CA10: variants seen among roughly 807,000 people sequenced by gnomAD.
CA10 encodes the protein carbonic anhydrase 10 (inactive).
A neutral mutation model predicts 44.2 loss-of-function variants in CA10; 14 were observed. The observed-to-expected ratio is 0.32, with a 90% CI of 0.21 to 0.50. The LOEUF is 0.50. Among genes scored for constraint, CA10 ranks in the 20% least tolerant of loss-of-function variants. The probability of loss-of-function intolerance (pLI) is 0.99; values close to 1 mark genes in which losing one functional copy is unlikely to be tolerated. For missense variants in CA10, 350 were observed against 409.7 expected, an observed-to-expected ratio of 0.85 and a Z score of 1.26; for synonymous variants, 159 against 141.6, an observed-to-expected ratio of 1.12 and a Z score of -0.87.
chr17:52,013,316 T>A (rs58235174), intron 2 of CA10, among the ~76,000 whole-genome samples: 4,841 of 151,774 alleles, frequency 0.032, 261 homozygotes, highest in African/African-American at 0.11. Context: ...AACATATTTA[T>A]AATAAAAATG....
intron 4 of CA10, among the ~76,000 whole-genome samples, chr17:51,693,975 T>G (rs2078818): frequency 0.34 from 52,115 of 151,666 alleles, 9,459 homozygotes; most frequent in Admixed American, 0.42. Flanking sequence ...GAGACTAAGG[T>G]GAGTGGATCA....
intron 3 of CA10, among the ~76,000 whole-genome samples, chr17:51,756,247 AC>A (rs1174563822): frequency 1.3e-5 from 2 of 151,766 alleles, no homozygotes; most frequent in Non-Finnish European, 2.9e-5. Flanking sequence ...ATCTCATTTC[AC>A]CCTTATGCTG....
At chr17:51,829,352 G>T (rs578047253) in intron 3 of CA10, among the ~76,000 whole-genome samples, 1 of 152,136 alleles carries the variant, frequency 6.6e-6, no homozygotes, top group Non-Finnish European at 1.5e-5. Flanking sequence ...TTCATTATAC[G>T]TATGGATTGT....
At chr17:51,639,651 T>C (rs1218645931) in intron 6 of CA10, among the ~76,000 whole-genome samples, 1 of 152,184 alleles carries the variant, frequency 6.6e-6, no homozygotes, top group African/African-American at 2.4e-5. Flanking sequence ...ACATTTTCAC[T>C]CCCCACTGTG....
intron 3 of CA10, among the ~76,000 whole-genome samples, chr17:51,806,214 T>C (rs1017506976): frequency 6.6e-6 from 1 of 152,158 alleles, no homozygotes; most frequent in African/African-American, 2.4e-5. Context: ...AGCAGTTTTG[T>C]AGAGACTATA....
chr17:52,151,489 T>A (rs1169991421), intron 1 of CA10, among the ~76,000 whole-genome samples: 3 of 152,146 alleles, frequency 2.0e-5, no homozygotes, highest in African/African-American at 4.8e-5. Flanking sequence ...ATACTTCCAG[T>A]ATACTTTATA....
At chr17:51,754,083 A>G (rs1904990528) in intron 3 of CA10, among the ~76,000 whole-genome samples, 1 of 151,934 alleles carries the variant, frequency 6.6e-6, no homozygotes, top group Admixed American at 6.6e-5. Context: ...ACCTCAGGTG[A>G]TCCACCTGCC....
rs58876021 is a variant in CA10, at chr17:51,990,537, A to G, written c.137-59405T>C. On this transcript the variant is annotated intron_variant, in intron 2 of 8. Coordinates refer to ENST00000451037, the MANE Select transcript of CA10 (RefSeq NM_020178.5). ...AAGGAAGTAGGAGAGGAGACAGTAC[A>G]AAACTGAGATAATTCTAAGTCCAAA... 8.6e-3 allele frequency among the ~76,000 whole-genome samples: 1,317 copies of G among 152,262 alleles called. 18 individuals carry two copies. Among genetic ancestry groups the G allele is most frequent in the African/African-American group, 0.03 (1,247 of 41,572 alleles).
At chr17:51,907,732 T>C (rs1353389783) in intron 3 of CA10, among the ~76,000 whole-genome samples, 1 of 152,084 alleles carries the variant, frequency 6.6e-6, no homozygotes, top group African/African-American at 2.4e-5. Flanking sequence ...TTTTGAAGGG[T>C]CATCCCAGTT....
intron 6 of CA10, among the ~76,000 whole-genome samples, chr17:51,644,651 C>T (rs11651283): frequency 0.42 from 63,877 of 151,844 alleles, 14,211 homozygotes; most frequent in Non-Finnish European, 0.48. Flanking sequence ...CCCACGGATA[C>T]GCTTCATCCA....
At chr17:51,711,618 TA>T (rs1915944903) in intron 4 of CA10, among the ~76,000 whole-genome samples, 1 of 152,162 alleles carries the variant, frequency 6.6e-6, no homozygotes, top group Non-Finnish European at 1.5e-5. Flanking sequence ...TTCCTGAGGA[TA>T]TGGTCCCCAG....
chr17:51,839,682 T>C (rs528824561), intron 3 of CA10, among the ~76,000 whole-genome samples: 125 of 152,178 alleles, frequency 8.2e-4, no homozygotes, highest in South Asian at 3.5e-3. Context: ...TGGAGGGGCT[T>C]ATAGCTTGGT....
At chr17:51,917,005 C>T (rs1404588390) in intron 3 of CA10, among the ~76,000 whole-genome samples, 3 of 152,166 alleles carry the variant, frequency 2.0e-5, no homozygotes, top group Non-Finnish European at 4.4e-5. Flanking sequence ...GGCCACTAGA[C>T]ATGTCCCCCA....
intron 3 of CA10, among the ~76,000 whole-genome samples, chr17:51,862,533 G>A (rs1031013013): frequency 6.6e-6 from 1 of 151,964 alleles, no homozygotes; most frequent in African/African-American, 2.4e-5. Flanking sequence ...CAGAGGCTAA[G>A]TTGCTCTTCC....
intron 2 of CA10, among the ~76,000 whole-genome samples, chr17:51,986,121 A>C (rs559645728): frequency 6.6e-6 from 1 of 152,276 alleles, no homozygotes; most frequent in Admixed American, 6.5e-5. Context: ...ATAAGGCAAC[A>C]GTCAACAAAA....
chr17:51,940,764 T>C (rs1193788671), intron 2 of CA10, among the ~76,000 whole-genome samples: 2 of 151,964 alleles, frequency 1.3e-5, no homozygotes, highest in African/African-American at 4.8e-5. Flanking sequence ...TGTGTTCTTA[T>C]AACTCCTGTG....
At chr17:52,087,216 C>T (rs1988138591) in intron 1 of CA10, among the ~76,000 whole-genome samples, 1 of 152,236 alleles carries the variant, frequency 6.6e-6, no homozygotes, top group African/African-American at 2.4e-5. Context: ...TGTCGTCTCA[C>T]TGCAACCTCC....
chr17:51,754,000 C>A (rs970245998), intron 3 of CA10, among the ~76,000 whole-genome samples: 6 of 152,040 alleles, frequency 3.9e-5, no homozygotes, highest in Admixed American at 1.3e-4. Context: ...CCTGCCATCA[C>A]GCCCAGCTAA....
chr17:51,970,135 C>T (rs1054047419), intron 2 of CA10, among the ~76,000 whole-genome samples: 2 of 152,022 alleles, frequency 1.3e-5, no homozygotes, highest in African/African-American at 4.8e-5. Context: ...AGATACTATG[C>T]AAGGCTGGGC....
Sources: allele counts gnomAD v4.1 joint callset (sites outside exome capture counted in the v4.1 genomes callset), GRCh38; gene constraint gnomAD v4.1.1; transcripts MANE v1.5; gene names NCBI Gene and HGNC (gene_info 2026-07-23, HGNC 2026-07-21).